The following TMEM163 variants were observed in gnomAD, a reference collection of about 807,000 sequenced individuals.
TMEM163 encodes the protein transmembrane protein 163.
TMEM163 carries 17 observed loss-of-function variants against 29.3 expected under a neutral mutation model. That is an observed-to-expected ratio of 0.58 (90% CI 0.40 to 0.87). The LOEUF (loss-of-function observed/expected upper bound fraction) is 0.87. TMEM163 is among the 40% of genes least tolerant of loss of function. The pLI, the probability that TMEM163 is intolerant of heterozygous loss-of-function variation, is 0.00. For missense variants in TMEM163, 303 were observed against 381.5 expected, an observed-to-expected ratio of 0.79 and a Z score of 1.71; for synonymous variants, 157 against 160.6, an observed-to-expected ratio of 0.98 and a Z score of 0.17.
chr2:134,582,831 G>A lies in TMEM163; in HGVS notation c.323-30740C>T, dbSNP rs138199795. Among the ~76,000 whole-genome samples the A allele has an allele frequency of 1.3e-3, 197 of 152,180 alleles. 1 individual carries two copies. Among genetic ancestry groups the A allele is most frequent in the East Asian group, 6.4e-3 (33 of 5,180 alleles). On this transcript the variant is annotated intron_variant, in intron 2 of 7. Transcript: ENST00000281924. ...GGGGGCTGGGGGTCGCCTCCATCCTGAGAGGAGGAAAGGTAGGGGGCAGAA... is the reference window on the plus strand; with the variant it reads ...GGGGGCTGGGGGTCGCCTCCATCCTAAGAGGAGGAAAGGTAGGGGGCAGAA...
In TMEM163 at chr2:134,713,187, C is replaced by T. The variant is rs1184839865; in HGVS notation, c.322+13G>A. On this transcript the variant is annotated intron_variant, in intron 2 of 7. Coordinates refer to ENST00000281924, the MANE Select transcript of TMEM163 (RefSeq NM_030923.5). Reference sequence around the variant, plus strand: ...AGCAGCACATATTGGCCGACGAGACCCTTGATACTCACTAAAGGCAGCCAC... The same window carrying T: ...AGCAGCACATATTGGCCGACGAGACTCTTGATACTCACTAAAGGCAGCCAC... 2 of 1,612,820 alleles carry T rather than the reference C, an allele frequency of 1.2e-6. No homozygotes were observed. Among genetic ancestry groups the T allele is most frequent in the Middle Eastern group, 1.7e-4 (1 of 6,014 alleles).
chr2:134,531,824 C>A (rs1680422665), intron 4 of TMEM163, among the ~76,000 whole-genome samples: 1 of 152,178 alleles, frequency 6.6e-6, no homozygotes, highest in African/African-American at 2.4e-5. Context: ...CCACTGGGCA[C>A]ATCAACTTAA....
intron 2 of TMEM163, among the ~76,000 whole-genome samples, chr2:134,656,650 C>T (rs1448336584): frequency 6.6e-6 from 1 of 152,228 alleles, no homozygotes; most frequent in African/African-American, 2.4e-5. Context: ...AGTGGTGAGA[C>T]TAGACATCCT....
chr2:134,467,036 A>G (rs555947105), intron 5 of TMEM163: 1 of 152,288 alleles, frequency 6.6e-6, no homozygotes, highest in Admixed American at 6.5e-5. Flanking sequence ...GCTTCTCCCT[A>G]TGCATTTTAT....
intron 2 of TMEM163, among the ~76,000 whole-genome samples, chr2:134,559,196 C>G (rs534797662): frequency 6.6e-6 from 1 of 152,246 alleles, no homozygotes; most frequent in East Asian, 1.9e-4. Context: ...CACACCTCTC[C>G]TGCAACATCA....
At chr2:134,497,394 T>C (rs528357271) in intron 5 of TMEM163, among the ~76,000 whole-genome samples, 2 of 152,310 alleles carry the variant, frequency 1.3e-5, no homozygotes, top group South Asian at 4.1e-4. Context: ...ATTATTCTAA[T>C]TATAATGATA....
At chr2:134,655,841 C>T (rs968405580) in intron 2 of TMEM163, among the ~76,000 whole-genome samples, 1 of 141,432 alleles carries the variant, frequency 7.1e-6, no homozygotes, top group Non-Finnish European at 1.5e-5. Flanking sequence ...CTGGGGGGTG[C>T]CTCCCAGTTA....
At chr2:134,547,963 G>A (rs1356399154) in intron 4 of TMEM163, among the ~76,000 whole-genome samples, 1 of 152,156 alleles carries the variant, frequency 6.6e-6, no homozygotes, top group Non-Finnish European at 1.5e-5. Context: ...ACAATTATTC[G>A]TGGCTTTCTG....
At chr2:134,592,584 G>T (rs996550651) in intron 2 of TMEM163, among the ~76,000 whole-genome samples, 1 of 152,010 alleles carries the variant, frequency 6.6e-6, no homozygotes. Context: ...AAAGGGAGGG[G>T]GTATAACAAG....
At chr2:134,666,380 C>T (rs1683873542) in intron 2 of TMEM163, among the ~76,000 whole-genome samples, 1 of 152,170 alleles carries the variant, frequency 6.6e-6, no homozygotes, top group South Asian at 2.1e-4. Flanking sequence ...CTCCCTCACC[C>T]ACACAGACCA....
chr2:134,599,499 C>T (rs1209408237), intron 2 of TMEM163, among the ~76,000 whole-genome samples: 2 of 151,928 alleles, frequency 1.3e-5, no homozygotes, highest in South Asian at 2.1e-4. Flanking sequence ...AGTCTGCACC[C>T]GGAGGAGGGC....
chr2:134,590,022 G>A (rs1025487425), intron 2 of TMEM163, among the ~76,000 whole-genome samples: 9 of 152,066 alleles, frequency 5.9e-5, no homozygotes, highest in African/African-American at 2.2e-4. Context: ...TATGATCTGA[G>A]TTTTAATAAA....
intron 2 of TMEM163, among the ~76,000 whole-genome samples, chr2:134,565,768 CAAT>C (rs149847005): frequency 8.7e-4 from 133 of 152,304 alleles, no homozygotes; most frequent in Middle Eastern, 3.4e-3. Flanking sequence ...TGAAATACAA[CAAT>C]GACAATACAT....
intron 4 of TMEM163, among the ~76,000 whole-genome samples, chr2:134,524,420 T>C (rs900136226): frequency 2.9e-5 from 4 of 137,454 alleles, no homozygotes; most frequent in Admixed American, 2.9e-4. Flanking sequence ...ACGTGCAAGT[T>C]TGTTACATAG....
intron 2 of TMEM163, among the ~76,000 whole-genome samples, chr2:134,708,631 G>T (rs887361343): frequency 1.4e-4 from 21 of 151,316 alleles, no homozygotes; most frequent in African/African-American, 5.1e-4. Context: ...CTGTCACCCA[G>T]GCTGGAGTGC....
At chr2:134,633,805 T>C (rs1180536429) in intron 2 of TMEM163, among the ~76,000 whole-genome samples, 4 of 151,144 alleles carry the variant, frequency 2.6e-5, no homozygotes, top group African/African-American at 9.7e-5. Flanking sequence ...CTACTAAAAA[T>C]ACAAAAATTA....
intron 5 of TMEM163, among the ~76,000 whole-genome samples, chr2:134,470,773 A>T (rs1290825392): frequency 6.6e-6 from 1 of 152,230 alleles, no homozygotes; most frequent in Non-Finnish European, 1.5e-5. Context: ...ACCCAGGCCC[A>T]GATGGCTCTC....
At chr2:134,593,894 C>T (rs149196330) in intron 2 of TMEM163, among the ~76,000 whole-genome samples, 18 of 151,876 alleles carry the variant, frequency 1.2e-4, no homozygotes, top group African/African-American at 4.4e-4. Flanking sequence ...CTATGAAGGC[C>T]GCTCAGCCCC....
At position 134,661,929 on chromosome 2, in the gene TMEM163, C is replaced by CTTTT. The variant is rs1328565759; in HGVS notation, c.322+51267_322+51270dup. 6.9e-4 allele frequency among the ~76,000 whole-genome samples: 83 copies of CTTTT among 121,072 alleles called. No homozygotes were observed. The East Asian group carries it at 8.4e-3, about 12-fold the overall frequency. 79.4% of individuals were successfully genotyped at this position (121,072 alleles called of 152,430 possible). A position where few individuals can be genotyped will look rare whatever the true frequency, so the allele number is the denominator to read the frequency against. ...TTTCATGGATTCATTAATTTTCTTTCTTTTTTTTTTTTTTTTTTTTGAGAT... is the reference window on the plus strand; with the variant it reads ...TTTCATGGATTCATTAATTTTCTTTCTTTTTTTTTTTTTTTTTTTTTTTTGAGAT... On this transcript the variant is annotated intron_variant, in intron 2 of 7. Coordinates refer to ENST00000281924, the MANE Select transcript of TMEM163 (RefSeq NM_030923.5).
Sources: allele counts gnomAD v4.1 joint callset (sites outside exome capture counted in the v4.1 genomes callset), GRCh38; gene constraint gnomAD v4.1.1; transcripts MANE v1.5; gene names NCBI Gene and HGNC (gene_info 2026-07-23, HGNC 2026-07-21).